ZNF219: variants seen among roughly 807,000 people sequenced by gnomAD.
ZNF219 encodes the protein zinc finger protein 219.
A neutral mutation model predicts 54.4 loss-of-function variants in ZNF219; 17 were observed. That is an observed-to-expected ratio of 0.31 (90% CI 0.21 to 0.47). ZNF219 has a LOEUF of 0.47. Among genes scored for constraint, ZNF219 ranks in the 20% least tolerant of loss-of-function variants. The probability of loss-of-function intolerance (pLI) is 1.00; values close to 1 mark genes in which losing one functional copy is unlikely to be tolerated. For missense variants in ZNF219, 1,014 were observed against 1,062.3 expected (o/e 0.95, Z 0.63); for synonymous variants, 518 against 476.4 (o/e 1.09, Z -1.14).
At chr14:21,103,776 G>C, upstream of ZNF219, 1 of 155,334 alleles carries the variant, frequency 6.4e-6, no homozygotes, top group Non-Finnish European at 1.4e-5. Flanking sequence ...TCGGGGCCTA[G>C]CCTGGCGCTT....
rs911571045 is a variant in ZNF219 at position 21,090,983 on chromosome 14, C to T, written c.1722G>A (p.Pro574=). 1.3e-6 allele frequency: 2 copies of T among 1,548,626 alleles called. No individual in the cohort carries two copies. Among genetic ancestry groups the T allele is most frequent in the South Asian group, 1.2e-5 (1 of 84,916 alleles). Residue 574 remains proline, a synonymous_variant, in exon 5 of 5, where the codon CCG becomes CCA. Transcript: ENST00000360947. This position sits in a 1 kb window ranked among gnomAD's most constrained non-coding sequence, Gnocchi z 4.4. The part of the protein sequence containing the change: ...PPPPSQRGSA[P]QSGAKPSPQP... Reference sequence around the variant, plus strand: ...GCGGAGACGGCTTGGCTCCAGATTGCGGGGCCGAACCCCGCTGGGAAGGAG... The same window carrying T: ...GCGGAGACGGCTTGGCTCCAGATTGTGGGGCCGAACCCCGCTGGGAAGGAG...
chr14:21,098,788 T>TCC (rs1220912060), upstream of ZNF219: 1 of 1,283,340 alleles, frequency 7.8e-7, no homozygotes, highest in Non-Finnish European at 1.0e-6. Context: ...GCACTGCCCC[T>TCC]CCCTCCCTAA....
At chr14:21,096,323 G>C (rs1889275993) in intron 1 of ZNF219, among the ~76,000 whole-genome samples, 1 of 152,208 alleles carries the variant, frequency 6.6e-6, no homozygotes, top group Non-Finnish European at 1.5e-5. Context: ...AGCACGGAAA[G>C]TTTCCCCAGA....
rs771981370 is a variant in ZNF219 at position 21,093,306 on chromosome 14, T to A, written c.7-16A>T. 2.6e-6 allele frequency: 4 copies of A among 1,556,724 alleles called. No homozygotes were observed. The highest frequency in any genetic ancestry group is 4.5e-5 in the East Asian group (2 of 44,480). The stretch of plus-strand genomic sequence containing the variant: ...GACGTGAGCCCTGTGGAGAAAGATC[T>A]GCGTAGAGCAAAGGGTGAAGGTAGA... On this transcript the variant is annotated splice_polypyrimidine_tract_variant and intron_variant, in intron 2 of 4. Transcript: ENST00000360947.
At position 21,092,508 on chromosome 14, in the gene ZNF219, G is replaced by T. The variant is rs775665233; in HGVS notation, c.789C>A (p.Ala263=). The T allele has an allele frequency of 3.2e-6, 5 of 1,550,780 alleles. No homozygotes were observed. Among genetic ancestry groups the T allele is most frequent in the African/African-American group, 2.7e-5 (2 of 73,104 alleles). ...EREATPTPAP[A]APEEPPAPPE... is the part of the protein sequence containing the mutation. ...GAGGCGCTGGGGGCTCCTCGGGAGC[G>T]GCAGGAGCTGGGGTCGGGGTTGCCT... Residue 263 remains alanine (A), a synonymous_variant, in exon 3 of 5, where the codon GCC becomes GCA. Transcript: ENST00000360947.
At position 21,091,089 on chromosome 14, in the gene ZNF219, C is replaced by G; in HGVS notation, c.1616G>C (p.Gly539Ala). Reference protein sequence around the residue: ...PHCDYAGTQSGSLKYHLQRHH... With the variant: ...PHCDYAGTQSASLKYHLQRHH... Reference sequence around the variant, plus strand: ...GCGCTGTAGGTGATACTTGAGCGAGCCGGACTGGGTGCCCGCGTAGTCGCA... The same window carrying G: ...GCGCTGTAGGTGATACTTGAGCGAGGCGGACTGGGTGCCCGCGTAGTCGCA... The change falls in exon 5 of 5, where the codon GGC (glycine) becomes GCC (alanine). Residue 539 changes from glycine to alanine, a missense_variant. By Grantham distance (60) the Gly-to-Ala change is moderately conservative. Coordinates refer to ENST00000360947, the MANE Select transcript of ZNF219 (RefSeq NM_016423.3). The G allele has an allele frequency of 1.3e-6, 2 of 1,574,980 alleles. No homozygotes were observed. The highest frequency in any genetic ancestry group is 1.7e-6 in the Non-Finnish European group (2 of 1,164,640).
chr14:21,101,767 C>T, upstream of ZNF219: 1 of 934,524 alleles, frequency 1.1e-6, no homozygotes, highest in Non-Finnish European at 1.6e-6. Flanking sequence ...CTCCACCCTG[C>T]ATTCAATCCC....
Position 21,093,195 on chromosome 14 carries a change from G to A in ZNF219, c.102C>T (p.Ala34=), listed in dbSNP as rs1214806340. The A allele has an allele frequency of 6.2e-7, 1 of 1,607,992 alleles. No individual in the cohort carries two copies. Among genetic ancestry groups the A allele is most frequent in the Non-Finnish European group, 8.5e-7 (1 of 1,179,392 alleles). ...LDLQRYSNGP[A]VSAGSLGMGA... is the part of the protein sequence containing the mutation. Reference sequence around the variant, plus strand: ...CCATCCCGAGCGACCCTGCGCTCACGGCTGGCCCGTTGGAGTATCGCTGCA... The same window carrying A: ...CCATCCCGAGCGACCCTGCGCTCACAGCTGGCCCGTTGGAGTATCGCTGCA... The change falls in exon 3 of 5, where the codon GCC becomes GCT. Residue 34 remains alanine (A), a synonymous_variant. Transcript: ENST00000360947.
upstream of ZNF219, chr14:21,103,507 C>A: frequency 1.9e-6 from 1 of 518,500 alleles, no homozygotes. Context: ...TACAGCTTCA[C>A]ATTTGCCTCA....
intron 3 of ZNF219, 59 bp downstream of exon 3, chr14:21,091,806 G>A: frequency 6.8e-7 from 1 of 1,480,878 alleles, no homozygotes; most frequent in Non-Finnish European, 8.9e-7. Flanking sequence ...CGAGGGAGTG[G>A]CGGCGTAAGA....
At chr14:21,102,467 C>G (rs534149594), upstream of ZNF219, 2 of 1,551,476 alleles carry the variant, frequency 1.3e-6, no homozygotes, top group African/African-American at 1.4e-5. Context: ...TGGTGGTGGT[C>G]GAGGTGATGA....
At chr14:21,102,142 C>T, upstream of ZNF219, 1 of 1,546,310 alleles carries the variant, frequency 6.5e-7, no homozygotes, top group Non-Finnish European at 8.7e-7. Context: ...GAAAACGCAG[C>T]ACTGTCCTCC....
upstream of ZNF219, chr14:21,103,464 G>C (rs1057718): frequency 0.57 from 433,070 of 759,584 alleles, 126,241 homozygotes; most frequent in Middle Eastern, 0.64. Context: ...TTTCTCCCTT[G>C]CATCCATATC....
intron 1 of ZNF219, among the ~76,000 whole-genome samples, chr14:21,098,108 C>A (rs959058126): frequency 6.6e-6 from 1 of 150,396 alleles, no homozygotes; most frequent in Non-Finnish European, 1.5e-5. Context: ...CTTCCGAGGC[C>A]GCCACCCCCA....
chr14:21,102,431 C>T, upstream of ZNF219: 1 of 1,551,650 alleles, frequency 6.4e-7, no homozygotes, highest in Non-Finnish European at 8.7e-7. Flanking sequence ...TATTCAACAC[C>T]TTCAACTTGA....
At chr14:21,102,501 A>G (rs926904319), upstream of ZNF219, 7 of 1,551,630 alleles carry the variant, frequency 4.5e-6, no homozygotes, top group African/African-American at 1.4e-5. Context: ...GCCTGCCCCA[A>G]CTGCCTCCTC....
In ZNF219 at chr14:21,091,056, C is replaced by T. The variant is rs770268741; in HGVS notation, c.1649G>A (p.Arg550Gln). 1.9e-6 allele frequency: 3 copies of T among 1,561,736 alleles called. No homozygotes were observed. The highest frequency in any genetic ancestry group is 1.7e-6 in the Non-Finnish European group (2 of 1,159,350). Reference sequence around the variant, plus strand: ...GGGGCCGGCCCCGCTCCTCTGCTCCCGGTGGTGGCGCTGTAGGTGATACTT... The same window carrying T: ...GGGGCCGGCCCCGCTCCTCTGCTCCTGGTGGTGGCGCTGTAGGTGATACTT... ...SLKYHLQRHHREQRSGAGPGP... is the reference protein window; with the variant it reads ...SLKYHLQRHHQEQRSGAGPGP... Residue 550 changes from arginine to glutamine, a missense_variant, in exon 5 of 5, where the codon CGG (arginine) becomes CAG (glutamine). Arg to Gln is a conservative substitution (Grantham distance 43). Coordinates refer to ENST00000360947, the MANE Select transcript of ZNF219 (RefSeq NM_016423.3).
At chr14:21,093,312 G>A in intron 2 of ZNF219, 22 bp from the exon 3 acceptor site, 9 of 1,552,808 alleles carry the variant, frequency 5.8e-6, no homozygotes, top group South Asian at 1.2e-5. Context: ...GATCTGCGTA[G>A]AGCAAAGGGT....
At chr14:21,093,440 G>C (rs1889094155) in intron 2 of ZNF219, 146 bp downstream of exon 2, 1 of 1,419,706 alleles carries the variant, frequency 7.0e-7, no homozygotes, top group African/African-American at 1.4e-5. Context: ...TCGGGAAGAT[G>C]GGGTGGGGGG....
Sources: allele counts gnomAD v4.1 joint callset (sites outside exome capture counted in the v4.1 genomes callset), GRCh38; gene constraint gnomAD v4.1.1; non-coding constraint Gnocchi (gnomAD v3.1); transcripts MANE v1.5; gene names NCBI Gene and HGNC (gene_info 2026-07-23, HGNC 2026-07-21).